PODNL1: variants seen among roughly 807,000 people sequenced by gnomAD.
The protein encoded by PODNL1 is podocan-like protein 1.
A neutral mutation model predicts 45.1 loss-of-function variants in PODNL1; 50 were observed. That is an observed-to-expected ratio of 1.11 (90% CI 0.88 to 1.40). The LOEUF (loss-of-function observed/expected upper bound fraction) is 1.40, where lower values mean the gene tolerates loss of function less well. Among genes scored for constraint, PODNL1 ranks in the 40% most tolerant of loss-of-function variants. PODNL1 has a pLI of 0.00. For missense variants in PODNL1, 788 were observed against 793.3 expected (o/e 0.99, Z 0.08); for synonymous variants, 406 against 372.5 (o/e 1.09, Z -1.04).
At chr19:13,937,696 C>G in intron 2 of PODNL1, 89 bp downstream of exon 2, 1 of 1,254,264 alleles carries the variant, frequency 8.0e-7, no homozygotes, top group Non-Finnish European at 1.1e-6. Flanking sequence ...TATACCCCAC[C>G]ACGCTCCTCA....
intron 1 of PODNL1, chr19:13,952,368 C>A (rs1973083333): frequency 7.2e-6 from 8 of 1,112,400 alleles, no homozygotes. Flanking sequence ...AATCAAGAGT[C>A]GAGATGGCTT....
rs750956021 is a variant in PODNL1 at position 13,934,360 on chromosome 19, T to A, written c.545A>T (p.Asp182Val). 4 of 1,554,654 alleles carry A rather than the reference T, an allele frequency of 2.6e-6. No homozygotes were observed. In the South Asian group the frequency reaches 4.9e-5, roughly 19 times the overall value. The change falls in exon 6 of 10, where the codon GAC becomes GTC. Residue 182 changes from aspartate (D) to valine (V), a missense_variant. Coordinates refer to ENST00000588872, the MANE Select transcript of PODNL1 (RefSeq NM_001370095.3). Reference sequence around the variant, plus strand: ...GATGGCCTCGGAGCCGCGGAAGGCGTCGGGGGGCAGGCCAGCGTTGCTCAG... The same window carrying A: ...GATGGCCTCGGAGCCGCGGAAGGCGACGGGGGGCAGGCCAGCGTTGCTCAG... ...NQLSNAGLPP[D>V]AFRGSEAIAT...
At position 13,937,772 on chromosome 19, in the gene PODNL1, C is replaced by T; in HGVS notation, c.225+13G>A. On this transcript the variant is annotated intron_variant, in intron 2 of 9. Transcript: ENST00000588872. ...CAGCCCTGCATGCCCCCACTCCCCT[C>T]CGTGGGCCCCACCTGCAGGGAGAGG... 6.4e-7 allele frequency: 1 copy of T among 1,566,112 alleles called. No individual in the cohort carries two copies. The highest frequency in any genetic ancestry group is 8.7e-7 in the Non-Finnish European group (1 of 1,155,764).
Position 13,931,974 on chromosome 19 carries a change from G to C in PODNL1, c.1564C>G (p.Leu522Val). Residue 522 changes from leucine to valine, a missense_variant, in exon 9 of 10, where the codon CTC becomes GTC. Leu to Val is a conservative substitution (Grantham distance 32, BLOSUM62 1). Coordinates refer to ENST00000588872, the MANE Select transcript of PODNL1 (RefSeq NM_001370095.3). ...TCACCCTCGGGGCACCTGAGGAAGA[G>C]GGCACGCAGGCGGGGTGTGCTGAGG... The part of the protein sequence containing the change: ...AFLSTPRLRA[L>V]FLRANRLHMT... 8.1e-7 allele frequency: 1 copy of C among 1,232,404 alleles called. No individual in the cohort carries two copies. 76.3% of individuals were successfully genotyped at this position (1,232,404 alleles called of 1,614,324 possible).
intron 1 of PODNL1, among the ~76,000 whole-genome samples, chr19:13,950,199 G>A (rs923930025): frequency 6.6e-6 from 1 of 151,424 alleles, no homozygotes; most frequent in Non-Finnish European, 1.5e-5. Flanking sequence ...ACAAGGTCTC[G>A]CTCTGTCTCC....
In PODNL1 at chr19:13,932,945, G is replaced by A. The variant is rs374827755; in HGVS notation, c.1278C>T (p.Thr426=). The A allele has an allele frequency of 3.4e-4, 528 of 1,564,032 alleles. 2 individuals carry two copies. In the African/African-American group the frequency reaches 6.5e-3, roughly 19 times the overall value. ...LPMGLPTGLR[T]LQLQRNQLRM... Reference sequence around the variant, plus strand: ...GCAGCTGGTTGCGTTGCAGCTGCAGGGTGCGCAGGCCAGTGGGCAGGCCCA... The same window carrying A: ...GCAGCTGGTTGCGTTGCAGCTGCAGAGTGCGCAGGCCAGTGGGCAGGCCCA... The change falls in exon 8 of 10, where the codon ACC becomes ACT. Residue 426 remains threonine, a synonymous_variant. Coordinates refer to ENST00000588872, the MANE Select transcript of PODNL1 (RefSeq NM_001370095.3).
chr19:13,951,934 G>C lies in PODNL1; in HGVS notation c.18+1185C>G, dbSNP rs145645420. Reference sequence around the variant, plus strand: ...GTCTGTCACATGTGGAGCGATCCATGATTGATGCTATCATTATCACCACCA... The same window carrying C: ...GTCTGTCACATGTGGAGCGATCCATCATTGATGCTATCATTATCACCACCA... On this transcript the variant is annotated intron_variant, in intron 1 of 7. Transcript: ENST00000538371. Among the ~76,000 whole-genome samples the C allele has an allele frequency of 4.2e-3, 643 of 152,348 alleles. 5 individuals carry two copies. The highest frequency in any genetic ancestry group is 0.015 in the African/African-American group (606 of 41,590).
rs535319497 is a variant in PODNL1 at position 13,931,526 on chromosome 19, G to C, written c.*211C>G. On this transcript the variant is annotated 3_prime_UTR_variant, in exon 10 of 10. Coordinates refer to ENST00000588872, the MANE Select transcript of PODNL1 (RefSeq NM_001370095.3). The stretch of plus-strand genomic sequence containing the variant: ...GCCTCCATCTGTGTTGGGAGTTTGG[G>C]GTAGGGTGTGTCCCGCCAGGCCGGC... The C allele has an allele frequency of 2.2e-6, 1 of 444,502 alleles. No individual in the cohort carries two copies. Among genetic ancestry groups the C allele is most frequent in the Non-Finnish European group, 3.7e-6 (1 of 269,382 alleles). The allele number at this position is 444,502 out of a possible 1,614,324, so 27.5% of individuals were successfully genotyped here.
chr19:13,932,270 G>A, intron 8 of PODNL1, 158 bp from the exon 9 acceptor site: 3 of 1,000,680 alleles, frequency 3.0e-6, no homozygotes, highest in Non-Finnish European at 3.8e-6. Flanking sequence ...CCCTTCTGCA[G>A]AGGTAAACTA....
chr19:13,933,146 G>T lies in PODNL1; in HGVS notation c.1077C>A (p.Pro359=). 1 of 1,529,946 alleles carries T rather than the reference G, an allele frequency of 6.5e-7. No individual in the cohort carries two copies. 94.8% of individuals were successfully genotyped at this position (1,529,946 alleles called of 1,614,324 possible). A position where few individuals can be genotyped will look rare whatever the true frequency, so the allele number is the denominator to read the frequency against. ...CACCCAGCGCGGCCACGTGGTTGTG[G>T]GGCAGCACCAGGGCACGCAGGCGGC... is the stretch of plus-strand genomic sequence containing the variant. ...LPRRLRALVL[P]HNHVAALGAR... is the part of the protein sequence containing the mutation. The change falls in exon 8 of 10, where the codon CCC becomes CCA. Residue 359 remains proline, a synonymous_variant. Coordinates refer to ENST00000588872, the MANE Select transcript of PODNL1 (RefSeq NM_001370095.3). This position sits in a 1 kb window ranked among gnomAD's most constrained non-coding sequence, Gnocchi z 5.2.
chr19:13,931,758 C>T lies in PODNL1; in HGVS notation c.1704G>A (p.Gly568=). Residue 568 remains glycine (G), a synonymous_variant, in exon 10 of 10, where the codon GGG becomes GGA. Coordinates refer to ENST00000588872, the MANE Select transcript of PODNL1 (RefSeq NM_001370095.3). The part of the protein sequence containing the change: ...LIRLPPTTPR[G]PRAGGP ...AGGATCAGGGGCCCCCTGCCCGTGG[C>T]CCACGTGGGGTGGTGGGAGGCAGCC... 8.1e-7 allele frequency: 1 copy of T among 1,231,924 alleles called. No individual in the cohort carries two copies. The highest frequency in any genetic ancestry group is 1.0e-6 in the Non-Finnish European group (1 of 987,970). 76.3% of individuals were successfully genotyped at this position (1,231,924 alleles called of 1,614,324 possible).
At chr19:13,947,345 G>C (rs1972856861) in intron 1 of PODNL1, among the ~76,000 whole-genome samples, 3 of 151,720 alleles carry the variant, frequency 2.0e-5, no homozygotes, top group African/African-American at 7.3e-5. Context: ...GCTGGGCCTG[G>C]TGGTGCATGC....
chr19:13,942,897 AG>A (rs1972698747), upstream of PODNL1, among the ~76,000 whole-genome samples: 1 of 152,094 alleles, frequency 6.6e-6, no homozygotes, highest in African/African-American at 2.4e-5. Context: ...GCTACTCAGG[AG>A]GCTGAGGCAG....
At chr19:13,932,580 C>T (rs1184910352) in intron 8 of PODNL1, 3 of 1,304,416 alleles carry the variant, frequency 2.3e-6, no homozygotes, top group African/African-American at 1.5e-5. Flanking sequence ...GGTCTCAAAC[C>T]CATAGCCTAA....
chr19:13,940,401 C>T (rs1271757833), upstream of PODNL1, among the ~76,000 whole-genome samples: 1 of 149,064 alleles, frequency 6.7e-6, no homozygotes, highest in Non-Finnish European at 1.5e-5. Context: ...GAAACCCCAT[C>T]TCTACTAAAA....
At chr19:13,944,172 A>T (rs1251761024) in intron 1 of PODNL1, among the ~76,000 whole-genome samples, 1 of 151,836 alleles carries the variant, frequency 6.6e-6, no homozygotes, top group Non-Finnish European at 1.5e-5. Flanking sequence ...TAATTAATTA[A>T]TTTTTTTGAC....
rs1363344030 is a variant in PODNL1, at chr19:13,937,890, G to C, written c.120C>G (p.Pro40=). The change falls in exon 2 of 10, where the codon CCC becomes CCG. Residue 40 remains proline, a synonymous_variant. Coordinates refer to ENST00000588872, the MANE Select transcript of PODNL1 (RefSeq NM_001370095.3). ...ESLQPLPRAC[P]LRCSCPRVDT... is the part of the protein sequence containing the mutation. ...CGACTCGGGGGCAGGAGCAGCGCAG[G>C]GGACAGGCCCGGGGCAGGGGCTGCA... 1.9e-6 allele frequency: 3 copies of C among 1,577,574 alleles called. No individual in the cohort carries two copies. Among genetic ancestry groups the C allele is most frequent in the Non-Finnish European group, 2.6e-6 (3 of 1,162,872 alleles).
chr19:13,945,677 C>T (rs112964018), intron 1 of PODNL1, among the ~76,000 whole-genome samples: 184 of 151,944 alleles, frequency 1.2e-3, no homozygotes, highest in African/African-American at 4.3e-3. Flanking sequence ...AGTAGAGACA[C>T]GGTTTCACCA....
chr19:13,942,439 G>A (rs1449835325), upstream of PODNL1, among the ~76,000 whole-genome samples: 1 of 152,154 alleles, frequency 6.6e-6, no homozygotes, highest in East Asian at 1.9e-4. Flanking sequence ...TGGGGCCAGA[G>A]GGATGGAATG....
Sources: gnomAD v4.1 joint callset for allele counts (sites outside exome capture counted in the v4.1 genomes callset) on GRCh38, gnomAD v4.1.1 for gene constraint, Gnocchi (gnomAD v3.1) non-coding constraint, MANE v1.5 for transcripts, NCBI Gene and HGNC (gene_info 2026-07-23, HGNC 2026-07-21) for gene names.